The following MBD4 variants were observed in gnomAD, a reference collection of about 807,000 sequenced individuals.
MBD4 encodes methyl-CpG binding domain 4, DNA glycosylase.
In MBD4, 53 loss-of-function variants were observed where a neutral mutation model predicts 60.2. The observed-to-expected ratio is 0.88, with a 90% CI of 0.71 to 1.11. The LOEUF (loss-of-function observed/expected upper bound fraction) is 1.11. MBD4 is among the 50% of genes least tolerant of loss of function. The probability of loss-of-function intolerance (pLI) is 0.00; values close to 1 mark genes in which losing one functional copy is unlikely to be tolerated. For synonymous variants in MBD4, 231 were observed against 229.8 expected (o/e 1.01, Z -0.05); for missense variants, 619 against 674.0 (o/e 0.92, Z 0.90).
chr3:129,431,429 T>A lies in MBD4; in HGVS notation c.*72A>T, dbSNP rs1186485573. ...AAAATCTCTATGGCTGGAAAGGTGG[T>A]TGGTTGTACTTAATTAAGCTTTTTT... On this transcript the variant is annotated 3_prime_UTR_variant, in exon 8 of 8. Coordinates refer to ENST00000429544, the MANE Select transcript of MBD4 (RefSeq NM_001276270.2). 8 of 1,188,468 alleles carry A rather than the reference T, an allele frequency of 6.7e-6. No individual in the cohort carries two copies. The African/African-American group carries it at 1.0e-4, about 16-fold the overall frequency. 73.6% of individuals were successfully genotyped at this position (1,188,468 alleles called of 1,614,324 possible).
Position 129,432,582 on chromosome 3 carries a change from T to C in MBD4, c.1568A>G (p.Lys523Arg). 1 of 1,614,210 alleles carries C rather than the reference T, an allele frequency of 6.2e-7. No individual in the cohort carries two copies. Among genetic ancestry groups the C allele is most frequent in the South Asian group, 1.1e-5 (1 of 91,080 alleles). Reference sequence around the variant, plus strand: ...AATCCCATGAAGCTCAATTGGATACTTCCACTGCTTTGTCAGGTATTCATC... The same window carrying C: ...AATCCCATGAAGCTCAATTGGATACCTCCACTGCTTTGTCAGGTATTCATC... The part of the protein sequence containing the change: ...FSDEYLTKQW[K>R]YPIELHGIGK... The change falls in exon 7 of 8, where the codon AAG becomes AGG. Residue 523 changes from lysine (K) to arginine (R), a missense_variant. Physicochemically the swap from Lys to Arg is conservative, Grantham distance 26 (BLOSUM62 2). Transcript: ENST00000429544.
At chr3:129,435,248 G>A (rs954950965) in intron 3 of MBD4, among the ~76,000 whole-genome samples, 6 of 151,722 alleles carry the variant, frequency 4.0e-5, no homozygotes, top group Non-Finnish European at 8.8e-5. Flanking sequence ...AAGAACAAAG[G>A]AAACTGCTCT....
Position 129,436,853 on chromosome 3 carries a change from C to T in MBD4, c.791G>A (p.Arg264Lys). 1 of 1,614,132 alleles carries T rather than the reference C, an allele frequency of 6.2e-7. No homozygotes were observed. Among genetic ancestry groups the T allele is most frequent in the Non-Finnish European group, 8.5e-7 (1 of 1,180,022 alleles). ...ATCTGCTTTATTACACACAGATTCT[C>T]TTTTGCTATCACTTTGAACAAAACC... ...CSGFVQSDSK[R>K]ESVCNKADAE... is the part of the protein sequence containing the mutation. The change falls in exon 3 of 8, where the codon AGA becomes AAA. Residue 264 changes from arginine to lysine, a missense_variant. Arg to Lys is a conservative substitution (Grantham distance 26). Transcript: ENST00000429544.
Position 129,437,263 on chromosome 3 carries a change from A to G in MBD4, c.381T>C (p.Tyr127=). 1 of 1,610,768 alleles carries G rather than the reference A, an allele frequency of 6.2e-7. No individual in the cohort carries two copies. Among genetic ancestry groups the G allele is most frequent in the African/African-American group, 1.3e-5 (1 of 75,014 alleles). ...KFRSKSSLAN[Y]LHKNGETSLK... Reference sequence around the variant, plus strand: ...GAGAAGTCTCTCCATTTTTGTGAAGATAATTAGCAAGTGAACTTTTGGATC... The same window carrying G: ...GAGAAGTCTCTCCATTTTTGTGAAGGTAATTAGCAAGTGAACTTTTGGATC... Residue 127 remains tyrosine (Y), a synonymous_variant, in exon 3 of 8, where the codon TAT becomes TAC. Transcript: ENST00000429544.
intron 2 of MBD4, 125 bp downstream of exon 2, chr3:129,437,595 A>G (rs2072491393): frequency 1.4e-6 from 1 of 734,254 alleles, no homozygotes; most frequent in East Asian, 2.7e-5. Context: ...AGCAACATTG[A>G]AAGAATAGAA....
intron 5 of MBD4, 130 bp from the exon 6 acceptor site, chr3:129,433,377 G>T: frequency 1.0e-6 from 1 of 980,006 alleles, no homozygotes; most frequent in Non-Finnish European, 1.5e-6. Context: ...AAAAAACACT[G>T]GTGAGAAGCC....
chr3:129,433,584 A>T, intron 5 of MBD4: 1 of 584,810 alleles, frequency 1.7e-6, no homozygotes, highest in Non-Finnish European at 3.0e-6. Context: ...CACATGAAAG[A>T]GGGTGGAGAA....
intron 3 of MBD4, among the ~76,000 whole-genome samples, chr3:129,435,382 C>T (rs2072438890): frequency 6.6e-6 from 1 of 152,168 alleles, no homozygotes. Flanking sequence ...TCATGGACAC[C>T]TCGTACTAAG....
Position 129,431,372 on chromosome 3 carries a change from GCA to G in MBD4, c.*127_*128del, listed in dbSNP as rs1265378989. ...CACCATTGGCACACACATTAAGAAA[GCA>G]CACACACTAGGCTTCTAGTTGGGCT... On this transcript the variant is annotated 3_prime_UTR_variant, in exon 8 of 8. Transcript: ENST00000429544. 83 of 748,654 alleles carry G rather than the reference GCA, an allele frequency of 1.1e-4. No homozygotes were observed. The highest frequency in any genetic ancestry group is 1.8e-4 in the Non-Finnish European group (75 of 419,074). The allele number at this position is 748,654 out of a possible 1,614,324, so 46.4% of individuals were successfully genotyped here.
intron 1 of MBD4, among the ~76,000 whole-genome samples, chr3:129,438,364 A>G (rs943836128): frequency 1.3e-5 from 2 of 152,236 alleles, no homozygotes; most frequent in Non-Finnish European, 2.9e-5. Flanking sequence ...AAAGTTTTAC[A>G]TAATGTAAAA....
Position 129,436,714 on chromosome 3 carries a change from T to C in MBD4, c.930A>G (p.Val310=), listed in dbSNP as rs1415379258. The C allele has an allele frequency of 2.5e-6, 4 of 1,613,994 alleles. No homozygotes were observed. The highest frequency in any genetic ancestry group is 1.1e-5 in the South Asian group (1 of 91,088). Residue 310 remains valine, a synonymous_variant, in exon 3 of 8, where the codon GTA becomes GTG. Coordinates refer to ENST00000429544, the MANE Select transcript of MBD4 (RefSeq NM_001276270.2). Reference sequence around the variant, plus strand: ...AACTCAATGATCTTTCTTTTTTTTTTACAAGGCTGTTTTCTTCACTGGTCA... The same window carrying C: ...AACTCAATGATCTTTCTTTTTTTTTCACAAGGCTGTTTTCTTCACTGGTCA... ...LSVTSEENSL[V]KKKERSLSSG...
In MBD4 at chr3:129,431,531, C is replaced by G. The variant is rs765471793; in HGVS notation, c.1695G>C (p.Trp565Cys). The change falls in exon 8 of 8, where the codon TGG (tryptophan) becomes TGC (cysteine). Residue 565 changes from tryptophan (W) to cysteine (C), a missense_variant. Coordinates refer to ENST00000429544, the MANE Select transcript of MBD4 (RefSeq NM_001276270.2). ...ATAGACTTAATTTTTCATGATTTTC[C>G]CAAAGCCAGTCATGATATTTATTTA... ...HKLNKYHDWL[W>C]ENHEKLSLS 2 of 1,613,390 alleles carry G rather than the reference C, an allele frequency of 1.2e-6. No individual in the cohort carries two copies. The highest frequency in any genetic ancestry group is 4.5e-5 in the East Asian group (2 of 44,854).
Position 129,432,095 on chromosome 3 carries a change from C to G in MBD4, c.1647+408G>C, listed in dbSNP as rs932482246. 12 of 1,086,746 alleles carry G rather than the reference C, an allele frequency of 1.1e-5. No homozygotes were observed. The African/African-American group carries it at 2.0e-4, about 18-fold the overall frequency. The allele number at this position is 1,086,746 out of a possible 1,614,324, so 67.3% of individuals were successfully genotyped here. A position where few individuals can be genotyped will look rare whatever the true frequency, so the allele number is the denominator to read the frequency against. ...CATATTCAACAGGGCTGAAGCAGGA[C>G]CCAGTCACCACAAACGTAGTCTGAG... On this transcript the variant is annotated intron_variant, in intron 7 of 7. Coordinates refer to ENST00000429544, the MANE Select transcript of MBD4 (RefSeq NM_001276270.2).
intron 6 of MBD4, 135 bp from the exon 7 acceptor site, chr3:129,432,741 T>C: frequency 1.2e-6 from 1 of 838,838 alleles, no homozygotes; most frequent in Non-Finnish European, 2.0e-6. Flanking sequence ...CCAGTTGTGA[T>C]TACTCTTCCT....
intron 7 of MBD4, chr3:129,432,148 C>T: frequency 7.7e-7 from 1 of 1,301,268 alleles, no homozygotes. Context: ...AATATGCATA[C>T]ATTGCAGGCC....
At chr3:129,437,449 A>G in intron 2 of MBD4, 141 bp from the exon 3 acceptor site, 2 of 720,844 alleles carry the variant, frequency 2.8e-6, no homozygotes, top group East Asian at 5.4e-5. Flanking sequence ...AGAGTGATAA[A>G]TGGCACTTTT....
At chr3:129,435,976 G>A (rs1009588487) in intron 3 of MBD4, among the ~76,000 whole-genome samples, 1 of 152,116 alleles carries the variant, frequency 6.6e-6, no homozygotes, top group Non-Finnish European at 1.5e-5. Context: ...AAATTAAATT[G>A]GAAGTCACAC....
At chr3:129,435,156 C>T (rs2072433224) in intron 3 of MBD4, among the ~76,000 whole-genome samples, 1 of 152,028 alleles carries the variant, frequency 6.6e-6, no homozygotes, top group African/African-American at 2.4e-5. Context: ...GAACAAGTAT[C>T]CAGGTCTCCA....
rs2005618 is a variant in MBD4 at position 129,432,824 on chromosome 3, A to G, written c.1544-218T>C. Among the ~76,000 whole-genome samples the G allele has an allele frequency of 0.24, 35,837 of 152,124 alleles. 6,469 individuals carry two copies. Among genetic ancestry groups the G allele is most frequent in the East Asian group, 0.48 (2,489 of 5,182 alleles). On this transcript the variant is annotated intron_variant, in intron 6 of 7. Coordinates refer to ENST00000429544, the MANE Select transcript of MBD4 (RefSeq NM_001276270.2). ...TTTTGTGCTGTGCTAACAAGACAGAAGTCATGTCCTTGAGGTCAAGAACTG... is the reference window on the plus strand; with the variant it reads ...TTTTGTGCTGTGCTAACAAGACAGAGGTCATGTCCTTGAGGTCAAGAACTG...
Sources: allele counts gnomAD v4.1 joint callset (sites outside exome capture counted in the v4.1 genomes callset), GRCh38; gene constraint gnomAD v4.1.1; transcripts MANE v1.5; gene names NCBI Gene and HGNC (gene_info 2026-07-23, HGNC 2026-07-21).